Variants in PPRC1 observed in about 807,000 individuals in gnomAD.
The protein encoded by PPRC1 is PPARG related coactivator 1, also known as peroxisome proliferator-activated receptor gamma coactivator-related protein 1.
Under a neutral mutation model 132.5 loss-of-function variants are expected in PPRC1, and 23 were observed. The ratio of observed to expected loss-of-function variants is 0.17; its 90% CI spans 0.12 to 0.25. The LOEUF (loss-of-function observed/expected upper bound fraction) is 0.25. PPRC1 is among the 10% of genes least tolerant of loss of function. PPRC1 has a pLI of 1.00. For missense variants in PPRC1, 2,006 were observed against 2,089.1 expected (o/e 0.96, Z 0.78); for synonymous variants, 872 against 833.5 (o/e 1.05, Z -0.80).
chr10:102,122,117 A>G, the PPRC1 span, among the ~76,000 whole-genome samples: 1 of 151,970 alleles, frequency 6.6e-6, no homozygotes, highest in Non-Finnish European at 1.5e-5. Flanking sequence ...AGGAGCAGAG[A>G]GGACCTGACT....
At chr10:102,132,277 G>C (rs1365474355), upstream of PPRC1, among the ~76,000 whole-genome samples, 1 of 152,234 alleles carries the variant, frequency 6.6e-6, no homozygotes, top group South Asian at 2.1e-4. Context: ...TAGCAAATAT[G>C]AAGTAGCTTT....
At chr10:102,144,942 AT>A in intron 7 of PPRC1, 77 bp from the exon 8 acceptor site, 1 of 1,050,686 alleles carries the variant, frequency 9.5e-7, no homozygotes, top group Non-Finnish European at 1.4e-6. Flanking sequence ...ACCCCCTCCC[AT>A]TGATTTCTGA....
Position 102,140,905 on chromosome 10 carries a change from A to G in PPRC1, c.2397A>G (p.Pro799=), listed in dbSNP as rs765093622. 1.2e-6 allele frequency: 2 copies of G among 1,614,012 alleles called. No homozygotes were observed. Among genetic ancestry groups the G allele is most frequent in the Admixed American group, 1.7e-5 (1 of 60,014 alleles). ...LADIPCLVIP[P]APAKKTALQR... is the part of the protein sequence containing the mutation. ...ACATCCCTTGTCTTGTCATCCCACC[A>G]GCCCCAGCCAAGAAGACAGCTCTGC... Residue 799 remains proline (P), a synonymous_variant, in exon 5 of 14, where the codon CCA becomes CCG. Transcript: ENST00000278070.
rs538940246 is a variant in PPRC1, at chr10:102,142,367, C to T, written c.3496+363C>T. Among the ~76,000 whole-genome samples the T allele has an allele frequency of 1.4e-3, 174 of 125,210 alleles. 1 individual carries two copies. Among genetic ancestry groups the T allele is most frequent in the Non-Finnish European group, 1.8e-3 (114 of 62,558 alleles). The allele number at this position is 125,210 out of a possible 152,430, so 82.1% of individuals were successfully genotyped here. On this transcript the variant is annotated intron_variant, in intron 5 of 13. Transcript: ENST00000278070. ...CCGCCTACCTCAGCCTCCCAAAGTG[C>T]TGGGATTATAGGCGTGAGCCGCTGC...
In PPRC1 at chr10:102,147,034, G is replaced by C. The variant is rs762898447; in HGVS notation, c.4042G>C (p.Ala1348Pro). Residue 1348 changes from alanine (A) to proline (P), a missense_variant, in exon 9 of 14, where the codon GCT becomes CCT. Physicochemically the swap from Ala to Pro is conservative, Grantham distance 27. Coordinates refer to ENST00000278070, the MANE Select transcript of PPRC1 (RefSeq NM_015062.5). ...GPAAPPPPCI[A>P]ASREPLDHRT... Reference sequence around the variant, plus strand: ...AGCTGCCCCTCCGCCCCCATGCATAGCTGCCTCCCGGGAGCCGCTTGATCA... The same window carrying C: ...AGCTGCCCCTCCGCCCCCATGCATACCTGCCTCCCGGGAGCCGCTTGATCA... 6.2e-7 allele frequency: 1 copy of C among 1,614,098 alleles called. No individual in the cohort carries two copies. The highest frequency in any genetic ancestry group is 1.1e-5 in the South Asian group (1 of 91,082).
Position 102,133,197 on chromosome 10 carries a change from G to A in PPRC1, c.129G>A (p.Leu43=), listed in dbSNP as rs554932312. The stretch of plus-strand genomic sequence containing the variant: ...GAAGCCAAGCGCCGTATGGGACTTT[G>A]GGCGCTGTGAGCGGCGGCGAGCAGG... ...GSRSQAPYGT[L]GAVSGGEQVL... Residue 43 remains leucine (L), a synonymous_variant, in exon 1 of 14, where the codon TTG becomes TTA. Transcript: ENST00000278070. 6 of 1,281,752 alleles carry A rather than the reference G, an allele frequency of 4.7e-6. No homozygotes were observed. In the African/African-American group the frequency reaches 6.1e-5, roughly 13 times the overall value. 79.4% of individuals were successfully genotyped at this position (1,281,752 alleles called of 1,614,324 possible). A position where few individuals can be genotyped will look rare whatever the true frequency, so the allele number is the denominator to read the frequency against.
upstream of PPRC1, among the ~76,000 whole-genome samples, chr10:102,131,813 A>G (rs2068547490): frequency 6.6e-6 from 1 of 152,150 alleles, no homozygotes; most frequent in African/African-American, 2.4e-5. Flanking sequence ...GTGTGCCACC[A>G]TGTCCAGCTA....
rs767401478 is a variant in PPRC1, at chr10:102,139,291, C to T, written c.783C>T (p.Ala261=). 2.5e-6 allele frequency: 4 copies of T among 1,614,064 alleles called. No individual in the cohort carries two copies. Among genetic ancestry groups the T allele is most frequent in the Non-Finnish European group, 2.5e-6 (3 of 1,180,030 alleles). Residue 261 remains alanine, a synonymous_variant, in exon 5 of 14, where the codon GCC becomes GCT. Transcript: ENST00000278070. The part of the protein sequence containing the change: ...EVASFSGQIL[A]GELDNCVSSI... Reference sequence around the variant, plus strand: ...CCAGCTTCAGTGGCCAGATTCTTGCCGGGGAGCTTGACAACTGTGTGAGCA... The same window carrying T: ...CCAGCTTCAGTGGCCAGATTCTTGCTGGGGAGCTTGACAACTGTGTGAGCA...
In PPRC1 at chr10:102,141,994, CAGTG is replaced by C; in HGVS notation, c.3489_3492del (p.Ser1163ArgfsTer36). 6.2e-7 allele frequency: 1 copy of C among 1,607,788 alleles called. No individual in the cohort carries two copies. Among genetic ancestry groups the C allele is most frequent in the South Asian group, 1.1e-5 (1 of 90,406 alleles). ...CTGAAGATGTGGTACAGGCTTTCAT[CAGTG>C]AGATTGGTGAGTGACACACAGTTCC... On this transcript the variant is annotated frameshift_variant, in exon 5 of 14. Coordinates refer to ENST00000278070, the MANE Select transcript of PPRC1 (RefSeq NM_015062.5). LOFTEE classifies it high-confidence loss of function.
chr10:102,120,667 C>T, the PPRC1 span, among the ~76,000 whole-genome samples: 1 of 152,248 alleles, frequency 6.6e-6, no homozygotes, highest in Admixed American at 6.5e-5. Flanking sequence ...TGTGACGCAG[C>T]TTTTAAAAAA....
intron 9 of PPRC1, 137 bp downstream of exon 9, chr10:102,147,529 T>C (rs1217262777): frequency 5.0e-5 from 62 of 1,227,810 alleles, no homozygotes; most frequent in Non-Finnish European, 6.8e-5. Context: ...GGCTTTTGTG[T>C]TTTCCCTTTT....
At chr10:102,149,796 A>T in intron 13 of PPRC1, 130 bp from the exon 14 acceptor site, 1 of 736,608 alleles carries the variant, frequency 1.4e-6, no homozygotes, top group Non-Finnish European at 2.4e-6. Context: ...GGACTCTCCT[A>T]TCTCTTTGAC....
rs746942303 is a variant in PPRC1 at position 102,141,293 on chromosome 10, G to A, written c.2785G>A (p.Val929Met). 2.0e-5 allele frequency: 32 copies of A among 1,613,838 alleles called. No individual in the cohort carries two copies. The highest frequency in any genetic ancestry group is 1.6e-4 in the Middle Eastern group (1 of 6,084). ...GCCATCCTGGCCTTGTTATCCTCAT[G>A]TGTCCCCTTCTGGCTATCCTTGCCT... is the stretch of plus-strand genomic sequence containing the variant. ...PLPSWPCYPH[V>M]SPSGYPCLPP... The change falls in exon 5 of 14, where the codon GTG becomes ATG. Residue 929 changes from valine (V) to methionine (M), a missense_variant. By Grantham distance (21) the Val-to-Met change is conservative (BLOSUM62 1). Around this residue, in one of 2 missense-constraint regions of PPRC1, gnomAD observed 1,914 missense variants for 1,917.2 expected, o/e 1.00. Coordinates refer to ENST00000278070, the MANE Select transcript of PPRC1 (RefSeq NM_015062.5).
In PPRC1 at chr10:102,138,609, TC is replaced by T. The variant is rs2133624049; in HGVS notation, c.343-9del. ...GTTGGTAGGACCTTCTGGTTGTTTT[TC>T]TGGAGCAGAGCAGGTTATCTCTGGA... On this transcript the variant is annotated splice_polypyrimidine_tract_variant and intron_variant, in intron 2 of 13. Coordinates refer to ENST00000278070, the MANE Select transcript of PPRC1 (RefSeq NM_015062.5). 1.9e-6 allele frequency: 3 copies of T among 1,613,616 alleles called. No individual in the cohort carries two copies. The highest frequency in any genetic ancestry group is 2.5e-6 in the Non-Finnish European group (3 of 1,179,682).
Position 102,139,952 on chromosome 10 carries a change from T to G in PPRC1, c.1444T>G (p.Ser482Ala), listed in dbSNP as rs1257963613. 6.2e-7 allele frequency: 1 copy of G among 1,614,216 alleles called. No individual in the cohort carries two copies. ...VEGYARRLRS[S>A]SRGQSTVGTE... ...AGGCTATGCCAGGAGGCTGAGGTCA[T>G]CTTCTCGCGGGCAGTCTACTGTAGG... Residue 482 changes from serine to alanine, a missense_variant, in exon 5 of 14, where the codon TCT (serine) becomes GCT (alanine). Coordinates refer to ENST00000278070, the MANE Select transcript of PPRC1 (RefSeq NM_015062.5).
upstream of PPRC1, among the ~76,000 whole-genome samples, chr10:102,128,923 C>CTTT (rs1027475920): frequency 8.1e-4 from 61 of 75,622 alleles, no homozygotes; most frequent in African/African-American, 1.0e-3. Flanking sequence ...CAGCGGCAGT[C>CTTT]TTTTTTTTTT....
chr10:102,130,885 G>A (rs2068529234), upstream of PPRC1, among the ~76,000 whole-genome samples: 1 of 150,594 alleles, frequency 6.6e-6, no homozygotes, highest in Non-Finnish European at 1.5e-5. Flanking sequence ...GACCCCCCAA[G>A]AACCCCCAAA....
At chr10:102,123,038 G>T in the PPRC1 span, among the ~76,000 whole-genome samples, 1 of 152,118 alleles carries the variant, frequency 6.6e-6, no homozygotes, top group Non-Finnish European at 1.5e-5. Context: ...CTTAGTTCTA[G>T]CTTCACCTTC....
At chr10:102,130,416 C>CAAA (rs1203599289), upstream of PPRC1, among the ~76,000 whole-genome samples, 5 of 15,942 alleles carry the variant, frequency 3.1e-4, no homozygotes, top group Non-Finnish European at 6.1e-4. Flanking sequence ...GAATCCTTCT[C>CAAA]AAAAAAAAAA....
Sources: allele counts gnomAD v4.1 joint callset (sites outside exome capture counted in the v4.1 genomes callset), GRCh38; gene constraint gnomAD v4.1.1; regional missense constraint gnomAD v4.1.1; transcripts MANE v1.5; gene names NCBI Gene and HGNC (gene_info 2026-07-23, HGNC 2026-07-21).